The following GALNT17 variants were observed in gnomAD, a reference collection of about 807,000 sequenced individuals.
GALNT17 encodes the protein polypeptide N-acetylgalactosaminyltransferase 17.
Under a neutral mutation model 63.7 loss-of-function variants are expected in GALNT17, and 29 were observed. The ratio of observed to expected loss-of-function variants is 0.46; its 90% confidence interval spans 0.34 to 0.62. The LOEUF (loss-of-function observed/expected upper bound fraction) is 0.62. Among genes scored for constraint, GALNT17 ranks in the 20% least tolerant of loss-of-function variants. The probability of loss-of-function intolerance (pLI) is 0.01; values close to 1 mark genes in which losing one functional copy is unlikely to be tolerated. For missense variants in GALNT17, 603 were observed against 799.6 expected (o/e 0.75, Z 2.97); for synonymous variants, 305 against 318.3 (o/e 0.96, Z 0.45).
At chr7:71,301,386 TATATA>T (rs1295927197) in intron 1 of GALNT17, among the ~76,000 whole-genome samples, 1 of 147,328 alleles carries the variant, frequency 6.8e-6, no homozygotes, top group Admixed American at 6.8e-5. Flanking sequence ...TATATAATAA[TATATA>T]ATAAAATATA....
chr7:71,593,149 CAATAATAATAATAATAATAAT>C (rs59397445), intron 6 of GALNT17, among the ~76,000 whole-genome samples: 1 of 146,880 alleles, frequency 6.8e-6, no homozygotes, highest in Non-Finnish European at 1.5e-5. Context: ...GACCTTGTTG[CAATAATAATAATAATAATAAT>C]AATAATAATA....
intron 2 of GALNT17, among the ~76,000 whole-genome samples, chr7:71,353,866 G>T (rs10230586): frequency 0.27 from 40,764 of 152,020 alleles, 6,001 homozygotes; most frequent in East Asian, 0.48. Flanking sequence ...AAATAAAAGA[G>T]GTTTAATTGA....
intron 1 of GALNT17, among the ~76,000 whole-genome samples, chr7:71,186,513 G>C (rs1326321922): frequency 6.6e-6 from 1 of 152,188 alleles, no homozygotes; most frequent in African/African-American, 2.4e-5. Flanking sequence ...GTCCTAGCTG[G>C]AGAGTGTAAG....
At chr7:71,289,464 G>A (rs1011686618) in intron 1 of GALNT17, among the ~76,000 whole-genome samples, 4 of 152,096 alleles carry the variant, frequency 2.6e-5, no homozygotes, top group African/African-American at 4.8e-5. Flanking sequence ...TGCCAGTGCT[G>A]TCACCTCATG....
intron 6 of GALNT17, among the ~76,000 whole-genome samples, chr7:71,656,808 G>T (rs558730521): frequency 1.3e-4 from 20 of 152,262 alleles, no homozygotes; most frequent in Non-Finnish European, 2.4e-4. Flanking sequence ...CTTTCTTTCT[G>T]GTATATGTAG....
At chr7:71,600,817 A>G (rs1249031432) in intron 6 of GALNT17, among the ~76,000 whole-genome samples, 1 of 151,054 alleles carries the variant, frequency 6.6e-6, no homozygotes, top group Non-Finnish European at 1.5e-5. Flanking sequence ...TGGTTACATG[A>G]GTAAGTTCTT....
intron 9 of GALNT17, among the ~76,000 whole-genome samples, chr7:71,678,522 G>T (rs781562601): frequency 6.6e-6 from 1 of 151,944 alleles, no homozygotes; most frequent in East Asian, 2.0e-4. Flanking sequence ...TGTTGGCCAG[G>T]TGCGGTGGCT....
intron 2 of GALNT17, among the ~76,000 whole-genome samples, chr7:71,365,532 G>A (rs1792488327): frequency 2.0e-5 from 3 of 152,182 alleles, no homozygotes; most frequent in African/African-American, 2.4e-5. Context: ...GAGCCACAGC[G>A]CCCACCCAGG....
At chr7:71,617,040 TA>T (rs879277060) in intron 6 of GALNT17, among the ~76,000 whole-genome samples, 1 of 144,688 alleles carries the variant, frequency 6.9e-6, no homozygotes, top group African/African-American at 2.5e-5. Context: ...TATGAATATA[TA>T]AATATATTAA....
rs565692328 is a variant in GALNT17 at position 71,236,384 on chromosome 7, G to A, written c.239-99166G>A. Among the ~76,000 whole-genome samples, 12 of 152,118 alleles carry A rather than the reference G, an allele frequency of 7.9e-5. No homozygotes were observed. The East Asian group carries it at 1.9e-3, about 25-fold the overall frequency. ...CCAGAAAGCAAACTGCTTTGTCAAG[G>A]CCACTGGCTGTAGGTTTCAGCAATA... On this transcript the variant is annotated intron_variant, in intron 1 of 10. Coordinates refer to ENST00000333538, the MANE Select transcript of GALNT17 (RefSeq NM_022479.3).
At chr7:71,385,677 A>G (rs1361382525) in intron 2 of GALNT17, among the ~76,000 whole-genome samples, 1 of 151,530 alleles carries the variant, frequency 6.6e-6, no homozygotes. Flanking sequence ...CAGTGATACT[A>G]TGTGGGAATA....
chr7:71,460,257 A>C (rs1023062586), intron 5 of GALNT17, among the ~76,000 whole-genome samples: 1 of 152,208 alleles, frequency 6.6e-6, no homozygotes, highest in Non-Finnish European at 1.5e-5. Flanking sequence ...TATGAAATAG[A>C]CAAGGATGGC....
intron 1 of GALNT17, among the ~76,000 whole-genome samples, chr7:71,233,373 G>A (rs1020651345): frequency 6.6e-6 from 1 of 152,184 alleles, no homozygotes; most frequent in African/African-American, 2.4e-5. Context: ...CATCAGCATC[G>A]TGTCTTCTGT....
rs188927624 is a variant in GALNT17, at chr7:71,333,856, A to C, written c.239-1694A>C. On this transcript the variant is annotated intron_variant, in intron 1 of 10. Transcript: ENST00000333538. Reference sequence around the variant, plus strand: ...AGTGGCGGGACAACTGTACATTCCCACTAGTAATGTTGCATCACAAGTGAT... The same window carrying C: ...AGTGGCGGGACAACTGTACATTCCCCCTAGTAATGTTGCATCACAAGTGAT... Among the ~76,000 whole-genome samples the C allele has an allele frequency of 6.6e-5, 10 of 152,300 alleles. No homozygotes were observed. The East Asian group carries it at 1.9e-3, about 29-fold the overall frequency.
chr7:71,214,457 C>A (rs1789437852), intron 1 of GALNT17, among the ~76,000 whole-genome samples: 1 of 152,140 alleles, frequency 6.6e-6, no homozygotes, highest in Admixed American at 6.5e-5. Flanking sequence ...GGATTGATAT[C>A]TTCCTCTTTG....
intron 5 of GALNT17, among the ~76,000 whole-genome samples, chr7:71,464,036 G>A (rs1341264241): frequency 1.3e-5 from 2 of 152,154 alleles, no homozygotes; most frequent in African/African-American, 2.4e-5. Flanking sequence ...AGATGGAGTT[G>A]CTCTGATTCG....
chr7:71,504,833 T>G (rs1270306091), intron 5 of GALNT17, among the ~76,000 whole-genome samples: 1 of 152,134 alleles, frequency 6.6e-6, no homozygotes, highest in Non-Finnish European at 1.5e-5. Context: ...CTCTCAATGC[T>G]ACGTCCTGAA....
At chr7:71,489,301 G>C (rs570069604) in intron 5 of GALNT17, among the ~76,000 whole-genome samples, 2 of 152,072 alleles carry the variant, frequency 1.3e-5, no homozygotes, top group East Asian at 3.9e-4. Flanking sequence ...CCTGACTATC[G>C]TCTTAAAATG....
chr7:71,523,617 C>A (rs1288865293), intron 5 of GALNT17, among the ~76,000 whole-genome samples: 1 of 151,530 alleles, frequency 6.6e-6, no homozygotes, highest in East Asian at 2.0e-4. Flanking sequence ...TAGTGGGGTG[C>A]GGTGGCCCCC....
Sources: gnomAD v4.1 joint callset for allele counts (sites outside exome capture counted in the v4.1 genomes callset) on GRCh38, gnomAD v4.1.1 for gene constraint, MANE v1.5 for transcripts, NCBI Gene and HGNC (gene_info 2026-07-23, HGNC 2026-07-21) for gene names.